The following SLC38A9 variants were observed in gnomAD, a reference collection of about 807,000 sequenced individuals.
SLC38A9 encodes the protein solute carrier family 38 member 9.
A neutral mutation model predicts 62.3 loss-of-function variants in SLC38A9; 48 were observed. That is an observed-to-expected ratio of 0.77 (90% CI 0.61 to 0.98). The LOEUF is 0.98. Among genes scored for constraint, SLC38A9 ranks in the 50% least tolerant of loss-of-function variants. The pLI is 0.00. For missense variants in SLC38A9, 541 were observed against 679.8 expected (o/e 0.80, Z 2.27); for synonymous variants, 204 against 227.7 (o/e 0.90, Z 0.94).
intron 8 of SLC38A9, among the ~76,000 whole-genome samples, chr5:55,661,047 CA>C (rs35574937): frequency 0.6 from 89,774 of 149,132 alleles, 27,861 homozygotes; most frequent in South Asian, 0.7. Context: ...GGAAAAAGTC[CA>C]AAAAAAAAGA....
Position 55,652,730 on chromosome 5 carries a change from T to C in SLC38A9, c.758-7A>G. 2 of 1,601,062 alleles carry C rather than the reference T, an allele frequency of 1.2e-6. No individual in the cohort carries two copies. The highest frequency in any genetic ancestry group is 8.5e-7 in the Non-Finnish European group (1 of 1,174,516). On this transcript the variant is annotated splice_region_variant and splice_polypyrimidine_tract_variant and intron_variant, in intron 9 of 15. Coordinates refer to ENST00000396865, the MANE Select transcript of SLC38A9 (RefSeq NM_173514.4). ...CCGGCACTTGGACAAATCACTGCAA[T>C]AGGAAAGCACCAGATTAAAGAAGAT...
chr5:55,683,330 C>T (rs750116209), intron 3 of SLC38A9, among the ~76,000 whole-genome samples: 4 of 152,162 alleles, frequency 2.6e-5, no homozygotes, highest in Non-Finnish European at 4.4e-5. Context: ...TCAAGGAATC[C>T]TCTTGCCTTA....
chr5:55,626,707 T>TTTTTCTGA (rs144369208), intron 15 of SLC38A9, 48 bp from the exon 16 acceptor site: 39,478 of 1,515,822 alleles, frequency 0.026, 894 homozygotes, highest in African/African-American at 0.12. Context: ...GCACTTTGCT[T>TTTTTCTGA]TTTACAATTA....
At chr5:55,692,882 A>G in intron 3 of SLC38A9, 4 of 979,642 alleles carry the variant, frequency 4.1e-6, no homozygotes, top group Non-Finnish European at 4.9e-6. Context: ...AAGAATCAAA[A>G]GTCTTATTTC....
intron 2 of SLC38A9, among the ~76,000 whole-genome samples, chr5:55,705,535 T>G (rs1160256056): frequency 6.6e-6 from 1 of 151,900 alleles, no homozygotes; most frequent in Non-Finnish European, 1.5e-5. Flanking sequence ...AAAACCATAC[T>G]TGGGATTGAA....
At chr5:55,649,127 AT>A in intron 11 of SLC38A9, 79 bp downstream of exon 11, 1 of 677,374 alleles carries the variant, frequency 1.5e-6, no homozygotes, top group Non-Finnish European at 2.2e-6. Flanking sequence ...TAAAAAAAAA[AT>A]CATTACTTGT....
intron 3 of SLC38A9, among the ~76,000 whole-genome samples, chr5:55,688,716 C>A (rs917225113): frequency 3.9e-5 from 6 of 152,070 alleles, no homozygotes; most frequent in Non-Finnish European, 5.9e-5. Flanking sequence ...ATTTTTAATA[C>A]CCCATTTACT....
At chr5:55,687,809 T>A (rs1228409570) in intron 3 of SLC38A9, among the ~76,000 whole-genome samples, 1 of 152,082 alleles carries the variant, frequency 6.6e-6, no homozygotes, top group Non-Finnish European at 1.5e-5. Context: ...AGAGATTCTC[T>A]GGCCTCAGCC....
chr5:55,684,527 G>A (rs1431937971), intron 3 of SLC38A9, among the ~76,000 whole-genome samples: 4 of 152,180 alleles, frequency 2.6e-5, no homozygotes, highest in Non-Finnish European at 5.9e-5. Context: ...TTTCTAGGCT[G>A]TAGCCCTTTG....
rs764523892 is a variant in SLC38A9 at position 55,652,658 on chromosome 5, C to CA, written c.822dup (p.Asp275Ter). On this transcript the variant is annotated frameshift_variant, in exon 10 of 16. Coordinates refer to ENST00000396865, the MANE Select transcript of SLC38A9 (RefSeq NM_173514.4). LOFTEE classifies it high-confidence loss of function. ...TTTTCAAACTGTTGGGCTCCTGTGT[C>CA]ATTGGCATAGAAAATCATAGAGCTG... 2 of 1,613,622 alleles carry CA rather than the reference C, an allele frequency of 1.2e-6. 1 individual carries two copies. Among genetic ancestry groups the CA allele is most frequent in the South Asian group, 2.2e-5 (2 of 91,004 alleles).
chr5:55,687,065 G>GTTTTTTTTTTTTTTTTTTTT (rs56912932), intron 3 of SLC38A9, among the ~76,000 whole-genome samples: 1 of 125,706 alleles, frequency 8.0e-6, no homozygotes, highest in Non-Finnish European at 1.7e-5. Context: ...CTCCAGCTTT[G>GTTTTTTTTTTTTTTTTTTTT]TTTTTTTTTT....
Position 55,626,468 on chromosome 5 carries a change from C to T in SLC38A9, c.*26G>A. Reference sequence around the variant, plus strand: ...GTCAAGGCTCAAAATATCATGAGAGCTCTTGAAAAAAACAGTTGAGGTATT... The same window carrying T: ...GTCAAGGCTCAAAATATCATGAGAGTTCTTGAAAAAAACAGTTGAGGTATT... On this transcript the variant is annotated 3_prime_UTR_variant, in exon 16 of 16. Transcript: ENST00000396865. The T allele has an allele frequency of 6.3e-7, 1 of 1,587,288 alleles. No individual in the cohort carries two copies. The highest frequency in any genetic ancestry group is 8.6e-7 in the Non-Finnish European group (1 of 1,162,926).
At chr5:55,655,701 C>G (rs543146957) in intron 9 of SLC38A9, among the ~76,000 whole-genome samples, 2 of 152,204 alleles carry the variant, frequency 1.3e-5, no homozygotes, top group South Asian at 4.2e-4. Context: ...TAGAACAGTT[C>G]CTGACACATA....
intron 3 of SLC38A9, among the ~76,000 whole-genome samples, chr5:55,687,710 ATTTAT>A (rs1313720215): frequency 6.6e-6 from 1 of 151,690 alleles, no homozygotes; most frequent in African/African-American, 2.4e-5. Context: ...TTATGTATTT[ATTTAT>A]TTTGAGACAG....
chr5:55,694,816 G>C (rs772543240), intron 3 of SLC38A9, among the ~76,000 whole-genome samples: 14 of 150,196 alleles, frequency 9.3e-5, no homozygotes, highest in South Asian at 2.1e-4. Context: ...GCAGTGGTAC[G>C]ATCTTGGCTT....
intron 9 of SLC38A9, among the ~76,000 whole-genome samples, chr5:55,654,624 G>A (rs1395496923): frequency 2.0e-5 from 3 of 150,518 alleles, no homozygotes; most frequent in South Asian, 2.1e-4. Flanking sequence ...AAAAAAAAAA[G>A]AGCACAGGCT....
chr5:55,640,841 T>C (rs891488355), intron 12 of SLC38A9, among the ~76,000 whole-genome samples: 3 of 152,172 alleles, frequency 2.0e-5, no homozygotes, highest in Non-Finnish European at 2.9e-5. Flanking sequence ...GTAAAATATG[T>C]ATATATATTT....
chr5:55,632,451 A>AAAC (rs756916716), intron 14 of SLC38A9, among the ~76,000 whole-genome samples: 12 of 151,356 alleles, frequency 7.9e-5, no homozygotes, highest in Middle Eastern at 3.4e-3. Flanking sequence ...AAACAAAAAC[A>AAAC]AACAACAACA....
chr5:55,632,466 C>CAAA (rs745573029), intron 14 of SLC38A9, among the ~76,000 whole-genome samples: 1 of 152,002 alleles, frequency 6.6e-6, no homozygotes, highest in African/African-American at 2.4e-5. Flanking sequence ...ACAACAACAA[C>CAAA]AAAAACTGCA....
Sources: gnomAD v4.1 joint callset for allele counts (sites outside exome capture counted in the v4.1 genomes callset) on GRCh38, gnomAD v4.1.1 for gene constraint, MANE v1.5 for transcripts, NCBI Gene and HGNC (gene_info 2026-07-23, HGNC 2026-07-21) for gene names.